HIRA: variants seen among roughly 807,000 people sequenced by gnomAD.
HIRA encodes histone cell cycle regulator.
A neutral mutation model predicts 126.6 loss-of-function variants in HIRA; 13 were observed. The observed-to-expected ratio is 0.10, with a 90% CI of 0.07 to 0.16. The LOEUF (loss-of-function observed/expected upper bound fraction) is 0.16. HIRA is among the 10% of genes least tolerant of loss of function. HIRA has a pLI of 1.00. For missense variants in HIRA, 834 were observed against 1,314.4 expected (o/e 0.63, Z 5.65); for synonymous variants, 511 against 520.0 (o/e 0.98, Z 0.24).
rs111939264 is a variant in HIRA, at chr22:19,427,994, A to G, written c.37+3446T>C. On this transcript the variant is annotated intron_variant, in intron 1 of 24. Transcript: ENST00000263208. ...CGAAGTAAAATGTGTATGTATGAAC[A>G]ATAACTGACACATCTTCTATATAAA... 9.6e-3 allele frequency among the ~76,000 whole-genome samples: 1,462 copies of G among 152,366 alleles called. 14 individuals are homozygous for G. Among genetic ancestry groups the G allele is most frequent in the Non-Finnish European group, 0.016 (1,103 of 68,034 alleles).
intron 15 of HIRA, among the ~76,000 whole-genome samples, chr22:19,371,575 A>G (rs1303717170): frequency 1.3e-5 from 2 of 152,156 alleles, no homozygotes; most frequent in African/African-American, 4.8e-5. Context: ...ATCTAATGCC[A>G]GAACATTTTC....
intron 15 of HIRA, among the ~76,000 whole-genome samples, chr22:19,366,848 C>T (rs1247401925): frequency 4.6e-5 from 7 of 152,176 alleles, no homozygotes; most frequent in Non-Finnish European, 8.8e-5. Context: ...GCAACCTCCG[C>T]CTCCTGGGCT....
At chr22:19,399,099 C>G in intron 5 of HIRA, 2 of 984,460 alleles carry the variant, frequency 2.0e-6, no homozygotes, top group Non-Finnish European at 1.2e-6. Context: ...GATGAGGGTC[C>G]GCTGTGACGA....
chr22:19,361,416 G>C, intron 16 of HIRA, 75 bp from the exon 17 acceptor site: 1 of 1,275,846 alleles, frequency 7.8e-7, no homozygotes, highest in Non-Finnish European at 1.1e-6. Flanking sequence ...AGGTCACCCA[G>C]AAGTGAGGCT....
intron 5 of HIRA, among the ~76,000 whole-genome samples, chr22:19,401,204 C>G (rs1325944428): frequency 2.0e-5 from 3 of 152,132 alleles, no homozygotes; most frequent in Non-Finnish European, 4.4e-5. Flanking sequence ...TGCTGTCAAG[C>G]CCAGCAGTCT....
chr22:19,385,363 G>A (rs2089117000), intron 12 of HIRA, among the ~76,000 whole-genome samples, 158 bp downstream of exon 12: 1 of 152,256 alleles, frequency 6.6e-6, no homozygotes, highest in South Asian at 2.1e-4. Flanking sequence ...ACTGCATCAT[G>A]CAGCAGTGGG....
At chr22:19,343,133 T>C (rs1412672671) in intron 24 of HIRA, among the ~76,000 whole-genome samples, 1 of 152,028 alleles carries the variant, frequency 6.6e-6, no homozygotes, top group African/African-American at 2.4e-5. Flanking sequence ...AGACTACACA[T>C]TGGGTACAGT....
At chr22:19,405,268 C>A (rs1424140928) in intron 5 of HIRA, among the ~76,000 whole-genome samples, 1 of 152,212 alleles carries the variant, frequency 6.6e-6, no homozygotes, top group African/African-American at 2.4e-5. Context: ...GTCTAAATTG[C>A]ACTCAACCTG....
chr22:19,413,277 C>T (rs2089368542), intron 1 of HIRA, among the ~76,000 whole-genome samples: 1 of 152,132 alleles, frequency 6.6e-6, no homozygotes. Context: ...GGCCTCAAGG[C>T]TCCAGGGGAA....
At position 19,351,588 on chromosome 22, in the gene HIRA, T is replaced by C. The variant is rs2088757853; in HGVS notation, c.2849-142A>G. On this transcript the variant is annotated intron_variant, in intron 23 of 24. Transcript: ENST00000263208. This position sits in a 1 kb window ranked among gnomAD's most constrained non-coding sequence, Gnocchi z 4.8. ...CACATGCGTATTTTATTGCCTACTATGGGCAAGACGCCCCTGCATGTCTCT... is the reference window on the plus strand; with the variant it reads ...CACATGCGTATTTTATTGCCTACTACGGGCAAGACGCCCCTGCATGTCTCT... 1.5e-6 allele frequency: 1 copy of C among 658,654 alleles called. No individual in the cohort carries two copies. Among genetic ancestry groups the C allele is most frequent in the South Asian group, 1.9e-5 (1 of 51,704 alleles). 40.8% of individuals were successfully genotyped at this position (658,654 alleles called of 1,614,324 possible).
chr22:19,354,990 C>T (rs2088797219), intron 21 of HIRA, among the ~76,000 whole-genome samples: 1 of 151,724 alleles, frequency 6.6e-6, no homozygotes, highest in South Asian at 2.1e-4. Context: ...CCAAGCTGGT[C>T]TCAAACTCAT....
chr22:19,355,304 C>T (rs2088800714), intron 21 of HIRA, among the ~76,000 whole-genome samples: 1 of 152,102 alleles, frequency 6.6e-6, no homozygotes. Flanking sequence ...CTCCAAATTC[C>T]TGAGTGGACA....
At chr22:19,405,509 C>T in intron 5 of HIRA, 2 of 985,330 alleles carry the variant, frequency 2.0e-6, no homozygotes, top group Non-Finnish European at 2.4e-6. Context: ...TTCAGCAGGA[C>T]AAACAGCAGA....
rs753504888 is a variant in HIRA at position 19,408,570 on chromosome 22, T to C, written c.124A>G (p.Ile42Val). ...GQGQDSGKVV[I>V]WNMSPVLQED... ...TGGAGGACTGGAGACATATTCCAGATCACAACCTTCCCAGAATCCTGCCCT... is the reference window on the plus strand; with the variant it reads ...TGGAGGACTGGAGACATATTCCAGACCACAACCTTCCCAGAATCCTGCCCT... Residue 42 changes from isoleucine (I) to valine (V), a missense_variant, in exon 3 of 25, where the codon ATC becomes GTC. Coordinates refer to ENST00000263208, the MANE Select transcript of HIRA (RefSeq NM_003325.4). 14 of 1,612,572 alleles carry C rather than the reference T, an allele frequency of 8.7e-6. No individual in the cohort carries two copies. The highest frequency in any genetic ancestry group is 1.7e-5 in the Admixed American group (1 of 59,986).
intron 15 of HIRA, 96 bp downstream of exon 15, chr22:19,375,535 A>G: frequency 7.4e-7 from 1 of 1,345,468 alleles, no homozygotes; most frequent in South Asian, 1.3e-5. Flanking sequence ...TTTCCCCAAC[A>G]GGAAGGCAGG....
intron 13 of HIRA, among the ~76,000 whole-genome samples, chr22:19,383,307 A>G (rs1279249871): frequency 1.3e-5 from 2 of 152,154 alleles, no homozygotes; most frequent in Non-Finnish European, 2.9e-5. Flanking sequence ...GAAAGAAAAA[A>G]AAGAAAAAAA....
In HIRA at chr22:19,431,488, C is replaced by T; in HGVS notation, c.-12G>A. 9 of 1,596,146 alleles carry T rather than the reference C, an allele frequency of 5.6e-6. No individual in the cohort carries two copies. The highest frequency in any genetic ancestry group is 6.0e-6 in the Non-Finnish European group (7 of 1,172,260). ...TTCAGGAGCTTCATTGTTCGGCCGC[C>T]GCCGCCGCCGGGCTGAGGCGAGCGC... On this transcript the variant is annotated 5_prime_UTR_variant, in exon 1 of 25. Transcript: ENST00000263208.
Position 19,375,673 on chromosome 22 carries a change from C to A in HIRA, c.1733G>T (p.Gly578Val). 1 of 1,614,200 alleles carries A rather than the reference C, an allele frequency of 6.2e-7. No individual in the cohort carries two copies. The highest frequency in any genetic ancestry group is 2.2e-5 in the East Asian group (1 of 44,880). The change falls in exon 15 of 25, where the codon GGT (glycine) becomes GTT (valine). Residue 578 changes from glycine to valine, a missense_variant. Transcript: ENST00000263208. Reference sequence around the variant, plus strand: ...AGTCATGCTGGTCAGGGCAGGAGCACCTGGTGTGGCTTTGGACCGCTCTGT... The same window carrying A: ...AGTCATGCTGGTCAGGGCAGGAGCAACTGGTGTGGCTTTGGACCGCTCTGT... ...RFTERSKATP[G>V]APALTSMTPT...
intron 1 of HIRA, 35 bp downstream of exon 1, chr22:19,431,405 G>A: frequency 1.9e-6 from 3 of 1,604,704 alleles, no homozygotes; most frequent in Non-Finnish European, 2.6e-6. Flanking sequence ...ACCCGACTCC[G>A]GGCTCGGCCT....
Sources: gnomAD v4.1 joint callset for allele counts (sites outside exome capture counted in the v4.1 genomes callset) on GRCh38, gnomAD v4.1.1 for gene constraint, Gnocchi (gnomAD v3.1) non-coding constraint, MANE v1.5 for transcripts, NCBI Gene and HGNC (gene_info 2026-07-23, HGNC 2026-07-21) for gene names.